The following FRYL variants were observed in gnomAD, a reference collection of about 807,000 sequenced individuals.
FRYL encodes the protein FRY like transcription coactivator, also known as protein furry homolog-like.
In FRYL, 150 loss-of-function variants were observed where a neutral mutation model predicts 351.2. That is an observed-to-expected ratio of 0.43 (90% CI 0.37 to 0.49). The LOEUF (loss-of-function observed/expected upper bound fraction) is 0.49, where lower values mean the gene tolerates loss of function less well. Ranked by LOEUF, FRYL falls within the 20% of genes least tolerant of loss-of-function variation. FRYL has a pLI of 0.00. For missense variants in FRYL, 3,036 were observed against 3,619.3 expected, an observed-to-expected ratio of 0.84 and a Z score of 4.13; for synonymous variants, 1,153 against 1,257.1, an observed-to-expected ratio of 0.92 and a Z score of 1.75.
At chr4:48,652,041 A>T (rs770760609) in intron 3 of FRYL, among the ~76,000 whole-genome samples, 2 of 152,224 alleles carry the variant, frequency 1.3e-5, no homozygotes, top group Non-Finnish European at 2.9e-5. Context: ...TATATTACTA[A>T]CTGCTAAAAA....
intron 27 of FRYL, among the ~76,000 whole-genome samples, chr4:48,569,845 G>A (rs1737856409): frequency 1.3e-5 from 2 of 152,046 alleles, no homozygotes; most frequent in South Asian, 4.1e-4. Context: ...ACAAAGTCTC[G>A]CTCTTTTCCC....
rs565595181 is a variant in FRYL at position 48,592,112 on chromosome 4, A to T, written c.1336-1282T>A. Reference sequence around the variant, plus strand: ...TATATATATATATATATATATATATATATTTTATCTAAGTAAGATTAAAAG... The same window carrying T: ...TATATATATATATATATATATATATTTATTTTATCTAAGTAAGATTAAAAG... On this transcript the variant is annotated intron_variant, in intron 16 of 63. Transcript: ENST00000358350. 4.9e-3 allele frequency among the ~76,000 whole-genome samples: 582 copies of T among 117,682 alleles called. 13 individuals are homozygous for T. The highest frequency in any genetic ancestry group is 0.017 in the African/African-American group (554 of 32,642). 77.2% of individuals were successfully genotyped at this position (117,682 alleles called of 152,430 possible).
At chr4:48,560,113 A>T (rs1286958354) in intron 33 of FRYL, among the ~76,000 whole-genome samples, 1 of 151,812 alleles carries the variant, frequency 6.6e-6, no homozygotes, top group Non-Finnish European at 1.5e-5. Context: ...TGAAGGAGGG[A>T]AAGGATGTGA....
chr4:48,542,975 CA>C (rs1194467945), intron 44 of FRYL, among the ~76,000 whole-genome samples: 3 of 152,118 alleles, frequency 2.0e-5, no homozygotes, highest in Non-Finnish European at 4.4e-5. Context: ...TGCCTCTTAC[CA>C]GGGCTTACTA....
intron 9 of FRYL, among the ~76,000 whole-genome samples, chr4:48,607,369 A>G (rs1235344098): frequency 6.6e-6 from 1 of 152,194 alleles, no homozygotes. Flanking sequence ...TTAACAAAAT[A>G]TGGATACATG....
Position 48,779,582 on chromosome 4 carries a change from C to T in FRYL, c.-384+496G>A, listed in dbSNP as rs1579012696. On this transcript the variant is annotated intron_variant, in intron 1 of 63. Transcript: ENST00000358350. ...CGCTAAGTTTGCTCCTCAGCCCTCC[C>T]TTCCCAGCCGAGGCGGCGGAGCCGT... 3.3e-5 allele frequency among the ~76,000 whole-genome samples: 5 copies of T among 152,176 alleles called. 1 individual carries two copies. Among genetic ancestry groups the T allele is most frequent in the African/African-American group, 1.2e-4 (5 of 41,560 alleles).
intron 19 of FRYL, among the ~76,000 whole-genome samples, chr4:48,584,023 A>T (rs113948741): frequency 5.3e-4 from 80 of 152,310 alleles, no homozygotes; most frequent in African/African-American, 1.7e-3. Context: ...TCAAAACAAT[A>T]TGGGGCTTTG....
intron 54 of FRYL, among the ~76,000 whole-genome samples, chr4:48,521,654 A>G (rs1174069806): frequency 6.6e-6 from 1 of 152,218 alleles, no homozygotes; most frequent in Non-Finnish European, 1.5e-5. Context: ...TGCAATAACC[A>G]TACTTGCCTT....
chr4:48,730,082 A>G (rs1055420234), intron 1 of FRYL, among the ~76,000 whole-genome samples: 1 of 152,194 alleles, frequency 6.6e-6, no homozygotes, highest in Non-Finnish European at 1.5e-5. Context: ...AACTTCATGA[A>G]GCATACACAA....
intron 1 of FRYL, among the ~76,000 whole-genome samples, chr4:48,742,841 G>C (rs1227926345): frequency 6.6e-6 from 1 of 151,752 alleles, no homozygotes; most frequent in Admixed American, 6.6e-5. Flanking sequence ...TGTTTTTTGA[G>C]ACAGAGTTTG....
chr4:48,505,013 G>A (rs995099158), intron 60 of FRYL, among the ~76,000 whole-genome samples: 1 of 152,032 alleles, frequency 6.6e-6, no homozygotes, highest in Non-Finnish European at 1.5e-5. Flanking sequence ...ATAATTTGTA[G>A]GCCCTAACTT....
chr4:48,552,540 A>C (rs1023292715), intron 36 of FRYL, among the ~76,000 whole-genome samples: 2 of 152,184 alleles, frequency 1.3e-5, no homozygotes, highest in Non-Finnish European at 2.9e-5. Context: ...AGAGAAAATG[A>C]GGACTTCTGC....
At chr4:48,536,133 A>G (rs1017510241) in intron 47 of FRYL, among the ~76,000 whole-genome samples, 1 of 152,184 alleles carries the variant, frequency 6.6e-6, no homozygotes, top group Non-Finnish European at 1.5e-5. Context: ...TCGGGACATC[A>G]TTTTGGAATT....
chr4:48,508,901 G>C (rs758370811), intron 59 of FRYL, among the ~76,000 whole-genome samples: 1 of 152,194 alleles, frequency 6.6e-6, no homozygotes, highest in Non-Finnish European at 1.5e-5. Flanking sequence ...TGATTGGTTA[G>C]AGCAAATCAC....
chr4:48,668,610 T>C (rs1186075905), intron 3 of FRYL, among the ~76,000 whole-genome samples: 2 of 151,844 alleles, frequency 1.3e-5, no homozygotes, highest in African/African-American at 4.9e-5. Flanking sequence ...TAAGAAGTGC[T>C]TGCCACTGGG....
At chr4:48,608,055 G>A (rs1026534370) in intron 9 of FRYL, among the ~76,000 whole-genome samples, 5 of 152,102 alleles carry the variant, frequency 3.3e-5, no homozygotes, top group Non-Finnish European at 7.4e-5. Flanking sequence ...TATTGTTGAT[G>A]TCTAAATCAT....
intron 1 of FRYL, among the ~76,000 whole-genome samples, chr4:48,766,772 T>A (rs1195296740): frequency 6.6e-6 from 1 of 152,070 alleles, no homozygotes; most frequent in Non-Finnish European, 1.5e-5. Context: ...TGTAAAGGCA[T>A]TCATCAAGTA....
At chr4:48,654,342 G>T (rs1466076802) in intron 3 of FRYL, among the ~76,000 whole-genome samples, 11 of 151,486 alleles carry the variant, frequency 7.3e-5, no homozygotes, top group African/African-American at 2.4e-4. Flanking sequence ...AAAACTGGAG[G>T]TATTTGGCTG....
chr4:48,505,671 G>T, intron 59 of FRYL, 56 bp from the exon 60 acceptor site: 1 of 1,097,354 alleles, frequency 9.1e-7, no homozygotes, highest in Non-Finnish European at 1.4e-6. Context: ...TAGTGTAACA[G>T]CCTGTCCATA....
Sources: allele counts gnomAD v4.1 joint callset (sites outside exome capture counted in the v4.1 genomes callset), GRCh38; gene constraint gnomAD v4.1.1; transcripts MANE v1.5; gene names NCBI Gene and HGNC (gene_info 2026-07-23, HGNC 2026-07-21).